Variants in ERP29 observed in about 807,000 individuals in gnomAD.
ERP29 encodes endoplasmic reticulum protein 29, also known as endoplasmic reticulum resident protein 29.
A neutral mutation model predicts 21.7 loss-of-function variants in ERP29; 14 were observed. That is an observed-to-expected ratio of 0.64 (90% CI 0.43 to 1.01). The LOEUF is 1.01. Among genes scored for constraint, ERP29 ranks in the 50% least tolerant of loss-of-function variants. The pLI is 0.00. For synonymous variants in ERP29, 129 were observed against 139.1 expected, an observed-to-expected ratio of 0.93 and a Z score of 0.51; for missense variants, 286 against 327.3, an observed-to-expected ratio of 0.87 and a Z score of 0.97.
chr12:112,022,418 G>A lies in ERP29; in HGVS notation c.552G>A (p.Gly184=). ...CCCGCCAGGCCCTCTTGAAGCAGGGGCAAGATAACCTCTCAAGTGTGAAGG... is the reference window on the plus strand; with the variant it reads ...CCCGCCAGGCCCTCTTGAAGCAGGGACAAGATAACCTCTCAAGTGTGAAGG... ...VEARQALLKQ[G]QDNLSSVKET... The change falls in exon 3 of 3, where the codon GGG becomes GGA. Residue 184 remains glycine (G), a synonymous_variant. Coordinates refer to ENST00000261735, the MANE Select transcript of ERP29 (RefSeq NM_006817.4). The A allele has an allele frequency of 1.9e-6, 3 of 1,614,180 alleles. No homozygotes were observed. The highest frequency in any genetic ancestry group is 2.5e-6 in the Non-Finnish European group (3 of 1,180,028).
chr12:112,013,732 C>A, intron 1 of ERP29, 123 bp downstream of exon 1: 1 of 1,096,082 alleles, frequency 9.1e-7, no homozygotes, highest in Non-Finnish European at 1.3e-6. Context: ...GGTCCCAGAG[C>A]TTCCCGGCGT....
chr12:112,014,353 G>C (rs1477922655), intron 1 of ERP29, among the ~76,000 whole-genome samples: 2 of 152,202 alleles, frequency 1.3e-5, no homozygotes, highest in Non-Finnish European at 2.9e-5. Flanking sequence ...AGGGATCCAG[G>C]TTGTGTGCTT....
intron 1 of ERP29, 114 bp from the exon 2 acceptor site, chr12:112,019,642 G>C (rs1159162503): frequency 1.7e-6 from 2 of 1,195,162 alleles, no homozygotes; most frequent in African/African-American, 3.0e-5. Context: ...GTGAGAGCTT[G>C]CCTCCCTTGT....
intron 2 of ERP29, among the ~76,000 whole-genome samples, chr12:112,021,235 C>T (rs2078043291): frequency 6.8e-6 from 1 of 148,058 alleles, no homozygotes; most frequent in Non-Finnish European, 1.5e-5. Context: ...TCTTTGTAAT[C>T]CTGAAATTTC....
In ERP29 at chr12:112,022,354, C is replaced by A. The variant is rs1033170199; in HGVS notation, c.488C>A (p.Ala163Asp). 8.7e-6 allele frequency: 14 copies of A among 1,614,054 alleles called. No homozygotes were observed. The highest frequency in any genetic ancestry group is 1.6e-4 in the Middle Eastern group (1 of 6,084). The stretch of plus-strand genomic sequence containing the variant: ...CCTGGTTGCCTGCCTGTATACGACG[C>A]CCTGGCCGGGGAGTTCATCAGGGCC... ...GMPGCLPVYD[A>D]LAGEFIRASG... The change falls in exon 3 of 3, where the codon GCC (alanine) becomes GAC (aspartate). Residue 163 changes from alanine (A) to aspartate (D), a missense_variant. Ala to Asp is a moderately radical substitution (Grantham distance 126, BLOSUM62 -2). Transcript: ENST00000261735.
chr12:112,017,984 C>T (rs2078023695), intron 1 of ERP29, among the ~76,000 whole-genome samples: 1 of 151,876 alleles, frequency 6.6e-6, no homozygotes, highest in South Asian at 2.1e-4. Context: ...AGGGTTTCAC[C>T]ACGTTGGCCA....
At chr12:112,017,789 T>C (rs986655605) in intron 1 of ERP29, among the ~76,000 whole-genome samples, 2 of 147,360 alleles carry the variant, frequency 1.4e-5, no homozygotes, top group South Asian at 4.2e-4. Context: ...TTTTCTTTTT[T>C]TTTTTTTTTT....
intron 1 of ERP29, among the ~76,000 whole-genome samples, chr12:112,015,816 C>T (rs2078008624): frequency 6.6e-6 from 1 of 152,202 alleles, no homozygotes; most frequent in East Asian, 1.9e-4. Context: ...CCTCTCATCT[C>T]CCAACCATTC....
Position 112,022,979 on chromosome 12 carries a change from T to C in ERP29, c.*327T>C, listed in dbSNP as rs1183270869. ...TCATTCAATTAAAGTTTCAGTGTTTTGGTTAAGTGGACCTGAAGCCATTCT... is the reference window on the plus strand; with the variant it reads ...TCATTCAATTAAAGTTTCAGTGTTTCGGTTAAGTGGACCTGAAGCCATTCT... On this transcript the variant is annotated 3_prime_UTR_variant, in exon 3 of 3. Coordinates refer to ENST00000261735, the MANE Select transcript of ERP29 (RefSeq NM_006817.4). The C allele has an allele frequency of 4.3e-6, 1 of 234,742 alleles. No homozygotes were observed. Among genetic ancestry groups the C allele is most frequent in the African/African-American group, 2.3e-5 (1 of 44,190 alleles). 14.5% of individuals were successfully genotyped at this position (234,742 alleles called of 1,614,324 possible).
At chr12:112,016,254 T>C (rs1349988761) in intron 1 of ERP29, among the ~76,000 whole-genome samples, 1 of 152,236 alleles carries the variant, frequency 6.6e-6, no homozygotes, top group East Asian at 1.9e-4. Flanking sequence ...TTTCAAATCT[T>C]CTCTTCCATC....
chr12:112,022,035 A>T, intron 2 of ERP29, 115 bp from the exon 3 acceptor site: 1 of 1,025,398 alleles, frequency 9.8e-7, no homozygotes, highest in Non-Finnish European at 1.4e-6. Context: ...CCTCACTTTG[A>T]ACCATTACAC....
In ERP29 at chr12:112,022,848, G is replaced by A. The variant is rs1452958451; in HGVS notation, c.*196G>A. 5.0e-6 allele frequency: 3 copies of A among 602,434 alleles called. No individual in the cohort carries two copies. The highest frequency in any genetic ancestry group is 5.8e-6 in the Non-Finnish European group (2 of 346,906). 37.3% of individuals were successfully genotyped at this position (602,434 alleles called of 1,614,324 possible). On this transcript the variant is annotated 3_prime_UTR_variant, in exon 3 of 3. Transcript: ENST00000261735. ...GATGTCTCTAGCTGGTCTGGGGATA[G>A]CTGGAGCACTTACTCAGGTGGCTGG... is the stretch of plus-strand genomic sequence containing the variant.
chr12:112,022,556 G>T lies in ERP29; in HGVS notation c.690G>T (p.Lys230Asn), dbSNP rs747131827. The T allele has an allele frequency of 1.9e-6, 3 of 1,614,056 alleles. No individual in the cohort carries two copies. Among genetic ancestry groups the T allele is most frequent in the Non-Finnish European group, 2.5e-6 (3 of 1,180,050 alleles). The change falls in exon 3 of 3, where the codon AAG becomes AAT. Residue 230 changes from lysine to asparagine, a missense_variant. By Grantham distance (94) the Lys-to-Asn change is moderately conservative. Coordinates refer to ENST00000261735, the MANE Select transcript of ERP29 (RefSeq NM_006817.4). ...EMTRIARLIE[K>N]NKMSDGKKEE... Reference sequence around the variant, plus strand: ...CACGGATCGCCAGGCTGATTGAGAAGAACAAGATGAGTGACGGGAAGAAGG... The same window carrying T: ...CACGGATCGCCAGGCTGATTGAGAATAACAAGATGAGTGACGGGAAGAAGG...
chr12:112,020,430 G>C (rs979235829), intron 2 of ERP29, among the ~76,000 whole-genome samples: 1 of 152,012 alleles, frequency 6.6e-6, no homozygotes, highest in African/African-American at 2.4e-5. Flanking sequence ...ATCTTCACTT[G>C]AACTCTGCCT....
rs750131266 is a variant in ERP29, at chr12:112,019,748, G to A, written c.145-8G>A. 15 of 1,613,862 alleles carry A rather than the reference G, an allele frequency of 9.3e-6. No individual in the cohort carries two copies. The East Asian group carries it at 1.6e-4, about 17-fold the overall frequency. On this transcript the variant is annotated splice_polypyrimidine_tract_variant and splice_region_variant and intron_variant, in intron 1 of 2. Coordinates refer to ENST00000261735, the MANE Select transcript of ERP29 (RefSeq NM_006817.4). ...AACACCCACTTGCTCAGCTCTATAC[G>A]CCCTCAGGTCATTCCCAAAAGCAAG...
chr12:112,021,515 C>CTCTTT (rs1253792862), intron 2 of ERP29, among the ~76,000 whole-genome samples: 1 of 70,044 alleles, frequency 1.4e-5, no homozygotes, highest in African/African-American at 7.4e-5. Context: ...GCTTAATAGT[C>CTCTTT]TTTTTTTTTT....
At chr12:112,017,866 C>T (rs1046671175) in intron 1 of ERP29, among the ~76,000 whole-genome samples, 3 of 146,682 alleles carry the variant, frequency 2.0e-5, no homozygotes, top group South Asian at 2.1e-4. Context: ...CTCACCGCAA[C>T]CTCCGCCTCC....
At chr12:112,022,013 T>C (rs2078050038) in intron 2 of ERP29, 137 bp from the exon 3 acceptor site, 6 of 755,002 alleles carry the variant, frequency 7.9e-6, no homozygotes, top group South Asian at 1.7e-5. Context: ...AACACAGGTC[T>C]GTATGGTTGC....
At chr12:112,014,663 C>T (rs1024693952) in intron 1 of ERP29, 1 of 152,264 alleles carries the variant, frequency 6.6e-6, no homozygotes, top group African/African-American at 2.4e-5. Flanking sequence ...GTCCCAGTCC[C>T]CTCCTCTTGC....
Sources: allele counts gnomAD v4.1 joint callset (sites outside exome capture counted in the v4.1 genomes callset), GRCh38; gene constraint gnomAD v4.1.1; transcripts MANE v1.5; gene names NCBI Gene and HGNC (gene_info 2026-07-23, HGNC 2026-07-21).